Variants in ADAM12 observed in about 807,000 individuals in gnomAD.
ADAM12 encodes the protein ADAM metallopeptidase domain 12.
Under a neutral mutation model 106.4 loss-of-function variants are expected in ADAM12, and 70 were observed. The ratio of observed to expected loss-of-function variants is 0.66; its 90% CI spans 0.54 to 0.80. The LOEUF (loss-of-function observed/expected upper bound fraction) is 0.80. ADAM12 is among the 30% of genes least tolerant of loss of function. The pLI, the probability that ADAM12 is intolerant of heterozygous loss-of-function variation, is 0.00. For synonymous variants in ADAM12, 420 were observed against 433.5 expected, an observed-to-expected ratio of 0.97 and a Z score of 0.39; for missense variants, 1,010 against 1,171.9, an observed-to-expected ratio of 0.86 and a Z score of 2.02.
rs1421464288 is a variant in ADAM12, at chr10:126,086,706, T to TATAA, written c.1145+7278_1145+7279insTTAT. Among the ~76,000 whole-genome samples the TATAA allele has an allele frequency of 1.1e-3, 74 of 65,172 alleles. 3 individuals carry two copies. The highest frequency in any genetic ancestry group is 4.0e-3 in the African/African-American group (68 of 17,060). The allele number at this position is 65,172 out of a possible 152,430, so 42.8% of individuals were successfully genotyped here. A position where few individuals can be genotyped will look rare whatever the true frequency, so the allele number is the denominator to read the frequency against. ...ATATATATATATATATATATATATA[T>TATAA]AAAATAAAATAGGTATAGTCATGAC... On this transcript the variant is annotated intron_variant, in intron 11 of 22. Transcript: ENST00000448723.
chr10:126,324,650 C>T (rs996380240), intron 2 of ADAM12, among the ~76,000 whole-genome samples: 1 of 152,088 alleles, frequency 6.6e-6, no homozygotes, highest in Non-Finnish European at 1.5e-5. Flanking sequence ...GATACTGGGC[C>T]AGTAGAGTTA....
At chr10:126,295,942 C>T (rs971700647) in intron 2 of ADAM12, among the ~76,000 whole-genome samples, 34 of 151,860 alleles carry the variant, frequency 2.2e-4, no homozygotes, top group African/African-American at 7.5e-4. Flanking sequence ...AACACACACA[C>T]ACATAAACAC....
intron 3 of ADAM12, among the ~76,000 whole-genome samples, chr10:126,197,475 G>A (rs1010495682): frequency 1.3e-5 from 2 of 152,226 alleles, no homozygotes; most frequent in Admixed American, 6.5e-5. Flanking sequence ...GTGACCCTGT[G>A]GGAGAGGACA....
chr10:126,224,026 T>G (rs1028017967), intron 3 of ADAM12, among the ~76,000 whole-genome samples: 1 of 152,166 alleles, frequency 6.6e-6, no homozygotes, highest in African/African-American at 2.4e-5. Flanking sequence ...CACTGTCCTC[T>G]CAGAGTGGAA....
Position 126,313,862 on chromosome 10 carries a change from G to A in ADAM12, c.186+16550C>T, listed in dbSNP as rs114154349. Among the ~76,000 whole-genome samples, 1,002 of 152,264 alleles carry A rather than the reference G, an allele frequency of 6.6e-3. 14 individuals are homozygous for A. The highest frequency in any genetic ancestry group is 0.022 in the African/African-American group (894 of 41,554). ...GATAAAGAAAATGGTGAGGCAGAGC[G>A]TGGAAGAAACAAAGAATAATTACAG... On this transcript the variant is annotated intron_variant, in intron 2 of 22. Coordinates refer to ENST00000448723, the MANE Select transcript of ADAM12 (RefSeq NM_001288973.2).
At chr10:126,074,610 C>T (rs1955062655) in intron 11 of ADAM12, among the ~76,000 whole-genome samples, 1 of 152,184 alleles carries the variant, frequency 6.6e-6, no homozygotes, top group Non-Finnish European at 1.5e-5. Context: ...TCTATTTCTA[C>T]TTCCCTTAGC....
At chr10:126,184,102 C>T (rs889726618) in intron 3 of ADAM12, among the ~76,000 whole-genome samples, 4 of 152,320 alleles carry the variant, frequency 2.6e-5, no homozygotes, top group Middle Eastern at 6.8e-3. Context: ...AGAACCAAGA[C>T]TGTGTCCCAT....
intron 3 of ADAM12, among the ~76,000 whole-genome samples, chr10:126,234,520 C>A (rs1416848211): frequency 6.6e-6 from 1 of 152,214 alleles, no homozygotes; most frequent in Admixed American, 6.5e-5. Context: ...AAGACGACTC[C>A]TTTCTTACTT....
intron 3 of ADAM12, among the ~76,000 whole-genome samples, chr10:126,206,864 G>GGGGGGGC (rs1957808474): frequency 6.8e-6 from 1 of 146,274 alleles, no homozygotes; most frequent in South Asian, 2.4e-4. Flanking sequence ...TGGGGGCGGG[G>GGGGGGGC]GGGAGCCAGT....
rs146232567 is a variant in ADAM12 at position 126,339,847 on chromosome 10, C to CTTT, written c.89-9341_89-9339dup. On this transcript the variant is annotated intron_variant, in intron 1 of 22. Transcript: ENST00000448723. ...AGTGAAGTGGGAAGCCATTCTAGGG[C>CTTT]TTTTTTTTTTTTTTTTTTTTTTTTT... Among the ~76,000 whole-genome samples, 401 of 75,708 alleles carry CTTT rather than the reference C, an allele frequency of 5.3e-3. 4 individuals are homozygous for CTTT. Among genetic ancestry groups the CTTT allele is most frequent in the East Asian group, 0.023 (44 of 1,944 alleles). 49.7% of individuals were successfully genotyped at this position (75,708 alleles called of 152,430 possible).
intron 3 of ADAM12, among the ~76,000 whole-genome samples, chr10:126,253,710 C>T (rs949778501): frequency 1.3e-5 from 2 of 152,198 alleles, no homozygotes; most frequent in Non-Finnish European, 2.9e-5. Context: ...GGGAGGGCTT[C>T]TGCTCTCCTC....
At chr10:126,162,830 G>C (rs995995284) in intron 3 of ADAM12, among the ~76,000 whole-genome samples, 2 of 152,152 alleles carry the variant, frequency 1.3e-5, no homozygotes, top group African/African-American at 4.8e-5. Context: ...TCTTAGCCAT[G>C]GATGTAGTTT....
At chr10:126,212,629 T>C (rs984541771) in intron 3 of ADAM12, among the ~76,000 whole-genome samples, 6 of 152,214 alleles carry the variant, frequency 3.9e-5, no homozygotes, top group Admixed American at 6.5e-5. Flanking sequence ...TCTTGGTTTC[T>C]CAGTCTTGCC....
chr10:126,168,250 TAATAA>T (rs1412729799), intron 3 of ADAM12, among the ~76,000 whole-genome samples: 1 of 152,298 alleles, frequency 6.6e-6, no homozygotes, highest in East Asian at 1.9e-4. Flanking sequence ...CATTTCTCAG[TAATAA>T]AATGTGGACA....
At chr10:126,370,338 A>C (rs930554404) in intron 1 of ADAM12, among the ~76,000 whole-genome samples, 4 of 152,242 alleles carry the variant, frequency 2.6e-5, no homozygotes, top group African/African-American at 9.6e-5. Context: ...TGCATTTATC[A>C]TGTTTACAAG....
chr10:126,250,448 C>A (rs1291928990), intron 3 of ADAM12, among the ~76,000 whole-genome samples: 1 of 152,090 alleles, frequency 6.6e-6, no homozygotes, highest in Non-Finnish European at 1.5e-5. Context: ...CATTTTTAGG[C>A]AGGGAATATT....
chr10:126,030,708 C>T (rs1223321439), intron 21 of ADAM12, among the ~76,000 whole-genome samples: 3 of 152,106 alleles, frequency 2.0e-5, no homozygotes, highest in African/African-American at 7.2e-5. Flanking sequence ...CCCTTAAAGA[C>T]ATTTGATGTT....
At chr10:126,349,571 G>T (rs559182057) in intron 1 of ADAM12, among the ~76,000 whole-genome samples, 1 of 152,118 alleles carries the variant, frequency 6.6e-6, no homozygotes, top group Non-Finnish European at 1.5e-5. Flanking sequence ...GTATGCAGTT[G>T]TTATAAAATA....
intron 1 of ADAM12, among the ~76,000 whole-genome samples, chr10:126,333,958 T>C (rs1446067953): frequency 6.6e-6 from 1 of 152,226 alleles, no homozygotes; most frequent in East Asian, 1.9e-4. Flanking sequence ...ATTATCTATG[T>C]ACATGGATAA....
Sources: allele counts gnomAD v4.1 joint callset (sites outside exome capture counted in the v4.1 genomes callset), GRCh38; gene constraint gnomAD v4.1.1; transcripts MANE v1.5; gene names NCBI Gene and HGNC (gene_info 2026-07-23, HGNC 2026-07-21).